The following ARHGAP15 variants were observed in gnomAD, a reference collection of about 807,000 sequenced individuals.
The protein encoded by ARHGAP15 is Rho GTPase activating protein 15.
ARHGAP15 carries 51 observed loss-of-function variants against 63.7 expected under a neutral mutation model. That is an observed-to-expected ratio of 0.80 (90% CI 0.64 to 1.01). The LOEUF (loss-of-function observed/expected upper bound fraction) is 1.01, where lower values mean the gene tolerates loss of function less well. Among genes scored for constraint, ARHGAP15 ranks in the 50% least tolerant of loss-of-function variants. The pLI is 0.00. For missense variants in ARHGAP15, 560 were observed against 564.6 expected, an observed-to-expected ratio of 0.99 and a Z score of 0.08; for synonymous variants, 191 against 193.8, an observed-to-expected ratio of 0.99 and a Z score of 0.12.
intron 6 of ARHGAP15, among the ~76,000 whole-genome samples, chr2:143,325,823 G>A (rs1223638698): frequency 6.6e-6 from 1 of 152,008 alleles, no homozygotes; most frequent in Admixed American, 6.6e-5. Flanking sequence ...CATCTATAAT[G>A]CACTTATTCA....
chr2:143,537,692 T>C (rs976414541), intron 10 of ARHGAP15, among the ~76,000 whole-genome samples: 1 of 152,188 alleles, frequency 6.6e-6, no homozygotes, highest in Admixed American at 6.5e-5. Context: ...TGGCTGTAGA[T>C]ATGCAGCATT....
chr2:143,754,221 A>G (rs1055646428), intron 13 of ARHGAP15, among the ~76,000 whole-genome samples: 1 of 152,216 alleles, frequency 6.6e-6, no homozygotes, highest in Non-Finnish European at 1.5e-5. Flanking sequence ...TTCAACAAAT[A>G]CTTGTTGAGT....
chr2:143,555,235 T>C (rs1032381219), intron 10 of ARHGAP15, among the ~76,000 whole-genome samples: 3 of 152,144 alleles, frequency 2.0e-5, no homozygotes, highest in Non-Finnish European at 4.4e-5. Context: ...TGTAAAATGG[T>C]AAAGCAATAA....
rs74902486 is a variant in ARHGAP15, at chr2:143,273,355, T to C, written c.474+22755T>C. Among the ~76,000 whole-genome samples the C allele has an allele frequency of 3.7e-3, 570 of 152,266 alleles. 4 individuals carry two copies. The highest frequency in any genetic ancestry group is 0.013 in the African/African-American group (526 of 41,586). On this transcript the variant is annotated intron_variant, in intron 6 of 13. Transcript: ENST00000295095. Reference sequence around the variant, plus strand: ...GATGATGATTGGTAATAATTACAGATACTTCTCAACTTATGATGGGCTGAC... The same window carrying C: ...GATGATGATTGGTAATAATTACAGACACTTCTCAACTTATGATGGGCTGAC...
chr2:143,252,559 A>G (rs1245822069), intron 6 of ARHGAP15, among the ~76,000 whole-genome samples: 1 of 151,946 alleles, frequency 6.6e-6, no homozygotes, highest in Non-Finnish European at 1.5e-5. Context: ...TTGTACTTTT[A>G]GAGAAACAAG....
chr2:143,646,189 A>G (rs1237047700), intron 12 of ARHGAP15, among the ~76,000 whole-genome samples: 1 of 152,054 alleles, frequency 6.6e-6, no homozygotes, highest in Non-Finnish European at 1.5e-5. Flanking sequence ...GGGCTGTGAG[A>G]GCAGAAGGGT....
chr2:143,555,528 C>G (rs1256549562), intron 10 of ARHGAP15, among the ~76,000 whole-genome samples: 1 of 152,028 alleles, frequency 6.6e-6, no homozygotes, highest in East Asian at 1.9e-4. Context: ...TTTCCCTTTT[C>G]GTTTTCCTGT....
chr2:143,160,234 C>A (rs1047720916), intron 2 of ARHGAP15, among the ~76,000 whole-genome samples: 1 of 151,874 alleles, frequency 6.6e-6, no homozygotes, highest in African/African-American at 2.4e-5. Context: ...AATTTAAATT[C>A]TATTTTTCTG....
intron 9 of ARHGAP15, among the ~76,000 whole-genome samples, chr2:143,496,730 C>A (rs990654428): frequency 2.6e-5 from 4 of 152,164 alleles, no homozygotes; most frequent in African/African-American, 9.7e-5. Flanking sequence ...AAAAGAAATG[C>A]CAGATAATAC....
chr2:143,548,321 A>G (rs1036631463), intron 10 of ARHGAP15, among the ~76,000 whole-genome samples: 2 of 152,080 alleles, frequency 1.3e-5, no homozygotes, highest in African/African-American at 2.4e-5. Flanking sequence ...CTGATTCAAG[A>G]GTCTATTTGA....
intron 12 of ARHGAP15, among the ~76,000 whole-genome samples, chr2:143,685,129 A>C (rs1467113222): frequency 6.6e-6 from 1 of 152,206 alleles, no homozygotes; most frequent in Non-Finnish European, 1.5e-5. Flanking sequence ...TGAATGTTGC[A>C]GGAAAGCAAA....
intron 6 of ARHGAP15, among the ~76,000 whole-genome samples, chr2:143,425,049 A>C (rs1336366674): frequency 6.6e-6 from 1 of 152,172 alleles, no homozygotes. Flanking sequence ...TAGTTTCAAC[A>C]ATAAATTATA....
intron 11 of ARHGAP15, chr2:143,587,818 G>A (rs933263454): frequency 2.2e-6 from 1 of 457,992 alleles, no homozygotes; most frequent in Admixed American, 2.5e-5. Context: ...CATTAAACTG[G>A]TATTTATATT....
intron 8 of ARHGAP15, among the ~76,000 whole-genome samples, chr2:143,453,021 A>T (rs1023507037): frequency 6.6e-6 from 1 of 151,906 alleles, no homozygotes; most frequent in Non-Finnish European, 1.5e-5. Flanking sequence ...CATGGTATAG[A>T]TATGGTAAAT....
At chr2:143,673,754 GTGTGTATA>G (rs1331758766) in intron 12 of ARHGAP15, among the ~76,000 whole-genome samples, 1 of 31,428 alleles carries the variant, frequency 3.2e-5, no homozygotes, top group South Asian at 2.0e-3. Context: ...GTGTGTGTGT[GTGTGTATA>G]TATATATATA....
At chr2:143,463,914 G>T (rs1023095867) in intron 8 of ARHGAP15, among the ~76,000 whole-genome samples, 1 of 152,126 alleles carries the variant, frequency 6.6e-6, no homozygotes, top group Non-Finnish European at 1.5e-5. Context: ...TCACACAGCT[G>T]TCAAGTGGCT....
At chr2:143,735,475 G>A (rs904784970) in intron 13 of ARHGAP15, among the ~76,000 whole-genome samples, 1 of 152,186 alleles carries the variant, frequency 6.6e-6, no homozygotes, top group African/African-American at 2.4e-5. Flanking sequence ...TAGCAAGATG[G>A]CAACACCAGA....
At chr2:143,568,242 A>C (rs1049565236) in intron 11 of ARHGAP15, among the ~76,000 whole-genome samples, 1 of 152,182 alleles carries the variant, frequency 6.6e-6, no homozygotes, top group African/African-American at 2.4e-5. Flanking sequence ...CAACCTACAG[A>C]ATGGGAGAAA....
At chr2:143,537,903 C>A (rs1290525426) in intron 10 of ARHGAP15, among the ~76,000 whole-genome samples, 1 of 151,234 alleles carries the variant, frequency 6.6e-6, no homozygotes. Flanking sequence ...CAGTTTTTTC[C>A]AATTCTGTGA....
Sources: allele counts gnomAD v4.1 joint callset (sites outside exome capture counted in the v4.1 genomes callset), GRCh38; gene constraint gnomAD v4.1.1; transcripts MANE v1.5; gene names NCBI Gene and HGNC (gene_info 2026-07-23, HGNC 2026-07-21).